The following MIPEP variants were observed in gnomAD, a reference collection of about 807,000 sequenced individuals.
The protein encoded by MIPEP is mitochondrial intermediate peptidase.
MIPEP carries 79 observed loss-of-function variants against 90.3 expected under a neutral mutation model. The ratio of observed to expected loss-of-function variants is 0.87; its 90% CI spans 0.73 to 1.05. MIPEP has a LOEUF of 1.05. Ranked by LOEUF, MIPEP falls within the 50% of genes least tolerant of loss-of-function variation. The pLI, the probability that MIPEP is intolerant of heterozygous loss-of-function variation, is 0.00. For missense variants in MIPEP, 940 were observed against 905.6 expected, an observed-to-expected ratio of 1.04 and a Z score of -0.49; for synonymous variants, 334 against 315.8, an observed-to-expected ratio of 1.06 and a Z score of -0.61.
chr13:23,783,187 C>T (rs1952799451), intron 16 of MIPEP, among the ~76,000 whole-genome samples: 1 of 152,172 alleles, frequency 6.6e-6, no homozygotes, highest in African/African-American at 2.4e-5. Context: ...CCCTGATGAA[C>T]ATCAGTGCAA....
chr13:23,730,268 A>C lies in MIPEP; in HGVS notation c.*80T>G. 2 of 875,098 alleles carry C rather than the reference A, an allele frequency of 2.3e-6. No individual in the cohort carries two copies. Among genetic ancestry groups the C allele is most frequent in the Non-Finnish European group, 3.7e-6 (2 of 547,832 alleles). The allele number at this position is 875,098 out of a possible 1,614,324, so 54.2% of individuals were successfully genotyped here. On this transcript the variant is annotated 3_prime_UTR_variant, in exon 19 of 19. Coordinates refer to ENST00000382172, the MANE Select transcript of MIPEP (RefSeq NM_005932.4). ...TACAGAAGCGAACAATGAAATCAGAAACAAGCTCTCACAGCTGTAGCATTT... is the reference window on the plus strand; with the variant it reads ...TACAGAAGCGAACAATGAAATCAGACACAAGCTCTCACAGCTGTAGCATTT...
chr13:23,888,275 T>C (rs1220455655), intron 1 of MIPEP, among the ~76,000 whole-genome samples: 1 of 152,074 alleles, frequency 6.6e-6, no homozygotes, highest in African/African-American at 2.4e-5. Context: ...TCACACAAAA[T>C]AATTTTTAAA....
intron 18 of MIPEP, among the ~76,000 whole-genome samples, chr13:23,735,504 T>C (rs558180560): frequency 1.3e-5 from 2 of 152,282 alleles, no homozygotes; most frequent in South Asian, 2.1e-4. Flanking sequence ...TTCTTTGAAG[T>C]GGTTCACTTC....
At chr13:23,744,624 C>T (rs1220166328) in intron 18 of MIPEP, among the ~76,000 whole-genome samples, 1 of 152,192 alleles carries the variant, frequency 6.6e-6, no homozygotes, top group Non-Finnish European at 1.5e-5. Context: ...ATCAAATACA[C>T]TCAACAAATG....
intron 15 of MIPEP, among the ~76,000 whole-genome samples, chr13:23,806,276 C>T (rs1479417033): frequency 1.3e-5 from 2 of 152,178 alleles, no homozygotes; most frequent in African/African-American, 4.8e-5. Context: ...TCAACCTTTT[C>T]ATAAATAAGA....
chr13:23,735,134 T>G (rs1232247180), intron 18 of MIPEP, among the ~76,000 whole-genome samples: 2 of 152,196 alleles, frequency 1.3e-5, no homozygotes, highest in Non-Finnish European at 2.9e-5. Flanking sequence ...CAGCTTTTCC[T>G]GCGGGCTACG....
intron 13 of MIPEP, 97 bp downstream of exon 13, chr13:23,837,455 T>C: frequency 2.1e-6 from 2 of 953,670 alleles, no homozygotes; most frequent in South Asian, 1.5e-5. Flanking sequence ...CACGGTAAAA[T>C]GATCACATTT....
chr13:23,888,201 CTCT>C (rs200518856), intron 1 of MIPEP: 45,414 of 384,000 alleles, frequency 0.12, 3,059 homozygotes, highest in African/African-American at 0.15. Flanking sequence ...ACAAGTAGGT[CTCT>C]TCACACCAAC....
intron 18 of MIPEP, among the ~76,000 whole-genome samples, chr13:23,749,360 T>C (rs61946406): frequency 6.6e-6 from 1 of 152,102 alleles, no homozygotes; most frequent in African/African-American, 2.4e-5. Flanking sequence ...AATCAGGTTA[T>C]TTTAAAAAAA....
intron 10 of MIPEP, among the ~76,000 whole-genome samples, chr13:23,841,944 T>A (rs1869315723): frequency 6.6e-6 from 1 of 152,208 alleles, no homozygotes; most frequent in Non-Finnish European, 1.5e-5. Flanking sequence ...AATTTAAAGT[T>A]CTCATCCAGT....
At chr13:23,730,727 T>C (rs996403818) in intron 18 of MIPEP, among the ~76,000 whole-genome samples, 1 of 152,232 alleles carries the variant, frequency 6.6e-6, no homozygotes, top group Non-Finnish European at 1.5e-5. Flanking sequence ...TATATGACTA[T>C]ACCCTTAGAG....
intron 16 of MIPEP, among the ~76,000 whole-genome samples, chr13:23,788,823 G>A (rs960637778): frequency 2.0e-5 from 3 of 152,042 alleles, no homozygotes; most frequent in Non-Finnish European, 2.9e-5. Flanking sequence ...TTGGCTTAAG[G>A]GATATGTAAA....
rs1237971795 is a variant in MIPEP, at chr13:23,807,495, A to C, written c.1729-1426T>G. Among the ~76,000 whole-genome samples the C allele has an allele frequency of 4.6e-5, 7 of 152,356 alleles. No homozygotes were observed. In the East Asian group the frequency reaches 1.3e-3, roughly 29 times the overall value. On this transcript the variant is annotated intron_variant, in intron 15 of 18. Coordinates refer to ENST00000382172, the MANE Select transcript of MIPEP (RefSeq NM_005932.4). ...TGACCTCTGGCTTCTGGCTGCATCT[A>C]GATATAGAATTATGGTTCTAAATTA...
chr13:23,753,732 C>T lies in MIPEP; in HGVS notation c.2044+2813G>A, dbSNP rs77683954. 5.8e-3 allele frequency among the ~76,000 whole-genome samples: 877 copies of T among 152,228 alleles called. 15 individuals carry two copies. Among genetic ancestry groups the T allele is most frequent in the African/African-American group, 0.02 (841 of 41,508 alleles). ...CTAGCTGGTGAGGACTAGAAATGGC[C>T]GAGGGACTCAGAGCTCTGAGCAGAG... is the stretch of plus-strand genomic sequence containing the variant. On this transcript the variant is annotated intron_variant, in intron 18 of 18. Transcript: ENST00000382172.
At chr13:23,877,026 T>A (rs1186596624) in intron 4 of MIPEP, among the ~76,000 whole-genome samples, 1 of 152,210 alleles carries the variant, frequency 6.6e-6, no homozygotes, top group East Asian at 1.9e-4. Context: ...TATTCTTCCA[T>A]TGATCTAATT....
chr13:23,841,096 T>G (rs1869274695), intron 11 of MIPEP, among the ~76,000 whole-genome samples: 2 of 152,220 alleles, frequency 1.3e-5, no homozygotes, highest in African/African-American at 2.4e-5. Flanking sequence ...TGCATATATA[T>G]TCAACCTTCT....
In MIPEP at chr13:23,841,405, A is replaced by G; in HGVS notation, c.1190T>C (p.Leu397Pro). Reference protein sequence around the residue: ...MEGLNILLNRLLGISLYAEQP... With the variant: ...MEGLNILLNRPLGISLYAEQP... ...CTCTGCATATAATGAAATCCCCAAC[A>G]GTCTGTTAAGCAAAATATTCAGGCC... Residue 397 changes from leucine (L) to proline (P), a missense_variant, in exon 11 of 19, where the codon CTG becomes CCG. By Grantham distance (98) the Leu-to-Pro change is moderately conservative. Transcript: ENST00000382172. 6.2e-7 allele frequency: 1 copy of G among 1,614,194 alleles called. No individual in the cohort carries two copies. Among genetic ancestry groups the G allele is most frequent in the Non-Finnish European group, 8.5e-7 (1 of 1,180,030 alleles).
chr13:23,876,050 G>C (rs1871059644), intron 4 of MIPEP, among the ~76,000 whole-genome samples: 1 of 152,082 alleles, frequency 6.6e-6, no homozygotes, highest in Non-Finnish European at 1.5e-5. Context: ...AAAAATCCTT[G>C]TTACAGTTTT....
At chr13:23,756,360 G>C (rs1347834491) in intron 18 of MIPEP, 185 bp downstream of exon 18, 2 of 557,258 alleles carry the variant, frequency 3.6e-6, no homozygotes, top group Non-Finnish European at 6.5e-6. Context: ...TCACCATGTT[G>C]GCCAGGCTGG....
Sources: gnomAD v4.1 joint callset for allele counts (sites outside exome capture counted in the v4.1 genomes callset) on GRCh38, gnomAD v4.1.1 for gene constraint, MANE v1.5 for transcripts, NCBI Gene and HGNC (gene_info 2026-07-23, HGNC 2026-07-21) for gene names.